Variants in XRCC2 observed in about 807,000 individuals in gnomAD.
XRCC2 encodes DNA repair protein XRCC2.
XRCC2 carries 24 observed loss-of-function variants against 27.3 expected under a neutral mutation model. The ratio of observed to expected loss-of-function variants is 0.88; its 90% CI spans 0.64 to 1.24. The LOEUF (loss-of-function observed/expected upper bound fraction) is 1.24, where lower values mean the gene tolerates loss of function less well. Among genes scored for constraint, XRCC2 ranks in the 50% most tolerant of loss-of-function variants. The pLI is 0.00. For missense variants in XRCC2, 321 were observed against 325.8 expected, an observed-to-expected ratio of 0.99 and a Z score of 0.11; for synonymous variants, 106 against 115.4, an observed-to-expected ratio of 0.92 and a Z score of 0.52.
In XRCC2 at chr7:152,646,195, C is replaced by A. The variant is rs1054877790; in HGVS notation, c.*2447G>T. On this transcript the variant is annotated 3_prime_UTR_variant, in exon 3 of 3. Coordinates refer to ENST00000359321, the MANE Select transcript of XRCC2 (RefSeq NM_005431.2). The stretch of plus-strand genomic sequence containing the variant: ...CCTTTATCAATGTCTAATGTTGATA[C>A]TTTTCCCCTTCTCCCGGACAATGCA... The A allele has an allele frequency of 6.6e-6, 1 of 152,146 alleles. No homozygotes were observed. The highest frequency in any genetic ancestry group is 1.5e-5 in the Non-Finnish European group (1 of 68,030). 9.4% of individuals were successfully genotyped at this position (152,146 alleles called of 1,614,324 possible).
intron 1 of XRCC2, among the ~76,000 whole-genome samples, chr7:152,662,495 G>A (rs2117001222): frequency 6.8e-6 from 1 of 148,002 alleles, no homozygotes; most frequent in Non-Finnish European, 1.5e-5. Context: ...GCACAGATTT[G>A]ACAACCCTTC....
At chr7:152,667,598 C>T (rs1422874799) in intron 1 of XRCC2, among the ~76,000 whole-genome samples, 1 of 146,656 alleles carries the variant, frequency 6.8e-6, no homozygotes, top group East Asian at 2.0e-4. Flanking sequence ...ATATCCAAAG[C>T]AACGTTTTAC....
intron 1 of XRCC2, among the ~76,000 whole-genome samples, chr7:152,663,373 A>AAAAAAAAAAAAAAAAAAAT (rs71182011): frequency 7.0e-6 from 1 of 143,646 alleles, no homozygotes; most frequent in Non-Finnish European, 1.5e-5. Flanking sequence ...AAAAAAAAAA[A>AAAAAAAAAAAAAAAAAAAT]GACTGCTTTT....
Position 152,649,114 on chromosome 7 carries a change from G to A in XRCC2, c.371C>T (p.Thr124Ile). ...RFFLVYCSSS[T>I]HLLLTLYSLE... ...TGAGTAAAGTGTAAGAAGTAAGTGGGTGCTACTACTGCAGTACACCAAAAA... is the reference window on the plus strand; with the variant it reads ...TGAGTAAAGTGTAAGAAGTAAGTGGATGCTACTACTGCAGTACACCAAAAA... The change falls in exon 3 of 3, where the codon ACC becomes ATC. Residue 124 changes from threonine to isoleucine, a missense_variant. By Grantham distance (89) the Thr-to-Ile change is moderately conservative (BLOSUM62 -1). Transcript: ENST00000359321. 6.2e-7 allele frequency: 1 copy of A among 1,614,048 alleles called. No homozygotes were observed.
chr7:152,668,038 A>AC (rs1368151897), intron 1 of XRCC2, among the ~76,000 whole-genome samples: 2 of 151,966 alleles, frequency 1.3e-5, no homozygotes, highest in Non-Finnish European at 2.9e-5. Context: ...AAAAAAAAAA[A>AC]AAAAGAAACT....
At chr7:152,665,306 C>T (rs2098035092) in intron 1 of XRCC2, among the ~76,000 whole-genome samples, 1 of 152,076 alleles carries the variant, frequency 6.6e-6, no homozygotes, top group Non-Finnish European at 1.5e-5. Flanking sequence ...GCCCTGGTAA[C>T]AATGTGAGCC....
Position 152,648,997 on chromosome 7 carries a change from C to G in XRCC2, c.488G>C (p.Gly163Ala), listed in dbSNP as rs375991730. 7 of 1,614,196 alleles carry G rather than the reference C, an allele frequency of 4.3e-6. No homozygotes were observed. The highest frequency in any genetic ancestry group is 3.4e-6 in the Non-Finnish European group (4 of 1,180,040). ...AGACTCCTGTAAGTTCACACTTTCTCCTCCATTGACGCGGTCTATCCAGTA... is the reference window on the plus strand; with the variant it reads ...AGACTCCTGTAAGTTCACACTTTCTGCTCCATTGACGCGGTCTATCCAGTA... ...AFYWIDRVNG[G>A]ESVNLQESTL... is the part of the protein sequence containing the mutation. The change falls in exon 3 of 3, where the codon GGA becomes GCA. Residue 163 changes from glycine to alanine, a missense_variant. Coordinates refer to ENST00000359321, the MANE Select transcript of XRCC2 (RefSeq NM_005431.2).
intron 2 of XRCC2, among the ~76,000 whole-genome samples, chr7:152,654,129 G>T (rs2098029720): frequency 6.7e-6 from 1 of 149,248 alleles, no homozygotes; most frequent in South Asian, 2.1e-4. Flanking sequence ...CTGGGAGGCA[G>T]AGGGTTGCAG....
chr7:152,649,389 CA>C (rs757638599), intron 2 of XRCC2, 26 bp from the exon 3 acceptor site: 23 of 1,532,236 alleles, frequency 1.5e-5, no homozygotes, highest in Non-Finnish European at 1.9e-5. Flanking sequence ...AAATCTCAGT[CA>C]AAATGCAGTA....
At chr7:152,658,120 C>T (rs2098031499) in intron 2 of XRCC2, among the ~76,000 whole-genome samples, 1 of 151,256 alleles carries the variant, frequency 6.6e-6, no homozygotes, top group Non-Finnish European at 1.5e-5. Flanking sequence ...CATGAGCCAT[C>T]ACACCTGGGT....
At chr7:152,674,703 ATT>A (rs373320734) in intron 1 of XRCC2, among the ~76,000 whole-genome samples, 4 of 97,334 alleles carry the variant, frequency 4.1e-5, no homozygotes, top group African/African-American at 1.9e-4. Context: ...TTAAATATAT[ATT>A]TATATAATAT....
intron 1 of XRCC2, 145 bp downstream of exon 1, chr7:152,675,896 C>G: frequency 9.5e-7 from 1 of 1,051,606 alleles, no homozygotes; most frequent in Non-Finnish European, 1.4e-6. Flanking sequence ...GTGCCAGCAT[C>G]GCGGGCGTCT....
chr7:152,652,453 T>C lies in XRCC2; in HGVS notation c.122-3090A>G, dbSNP rs142616742. 2.4e-3 allele frequency among the ~76,000 whole-genome samples: 360 copies of C among 152,132 alleles called. 1 individual carries two copies. Among genetic ancestry groups the C allele is most frequent in the African/African-American group, 8.3e-3 (343 of 41,520 alleles). ...GCAAATCCTCCCTCTCCTGCTCCCA[T>C]AGAGGCAGCCAGAGAGGCCGACCCA... On this transcript the variant is annotated intron_variant, in intron 2 of 2. Coordinates refer to ENST00000359321, the MANE Select transcript of XRCC2 (RefSeq NM_005431.2).
chr7:152,674,313 A>G (rs2098039408), intron 1 of XRCC2, among the ~76,000 whole-genome samples: 1 of 152,112 alleles, frequency 6.6e-6, no homozygotes, highest in South Asian at 2.1e-4. Context: ...GTTTCAAATA[A>G]TCATTTAAAT....
intron 1 of XRCC2, among the ~76,000 whole-genome samples, chr7:152,674,740 A>ATATATTTTTAAATATATATTAT (rs369118726): frequency 1.7e-4 from 1 of 6,018 alleles, no homozygotes; most frequent in African/African-American, 1.1e-3. Flanking sequence ...ATTATATATA[A>ATATATTTTTAAATATATATTAT]ATATATTTTT....
intron 1 of XRCC2, among the ~76,000 whole-genome samples, chr7:152,673,477 C>T (rs2098038962): frequency 6.6e-6 from 1 of 152,010 alleles, no homozygotes; most frequent in Non-Finnish European, 1.5e-5. Context: ...AAAAAATATT[C>T]TTACAACTTT....
intron 2 of XRCC2, among the ~76,000 whole-genome samples, chr7:152,650,753 G>A (rs960222412): frequency 6.6e-6 from 1 of 151,990 alleles, no homozygotes. Context: ...GGGCATGGTG[G>A]TGGGCACCTG....
intron 1 of XRCC2, among the ~76,000 whole-genome samples, chr7:152,663,346 T>TGAAAAAA (rs1563031328): frequency 1.2e-5 from 1 of 80,898 alleles, no homozygotes; most frequent in Non-Finnish European, 2.5e-5. Flanking sequence ...GTCTTTGAAG[T>TGAAAAAA]AAAAAAAAAA....
chr7:152,671,828 G>T (rs1234197768), intron 1 of XRCC2, among the ~76,000 whole-genome samples: 1 of 152,160 alleles, frequency 6.6e-6, no homozygotes, highest in Non-Finnish European at 1.5e-5. Flanking sequence ...AATCACTTGA[G>T]CCCAGGAGTT....
Sources: allele counts gnomAD v4.1 joint callset (sites outside exome capture counted in the v4.1 genomes callset), GRCh38; gene constraint gnomAD v4.1.1; transcripts MANE v1.5; gene names NCBI Gene and HGNC (gene_info 2026-07-23, HGNC 2026-07-21).